Variants in LVRN observed in about 807,000 individuals in gnomAD.
LVRN encodes aminopeptidase Q.
A neutral mutation model predicts 111.4 loss-of-function variants in LVRN; 99 were observed. The observed-to-expected ratio is 0.89, with a 90% CI of 0.76 to 1.05. The LOEUF is 1.05. LVRN is among the 50% of genes least tolerant of loss of function. LVRN has a pLI of 0.00. For missense variants in LVRN, 1,414 were observed against 1,206.8 expected, an observed-to-expected ratio of 1.17 and a Z score of -2.54; for synonymous variants, 488 against 449.5, an observed-to-expected ratio of 1.09 and a Z score of -1.08.
At chr5:116,022,538 A>C in intron 19 of LVRN, 72 bp downstream of exon 19, 2 of 999,574 alleles carry the variant, frequency 2.0e-6, no homozygotes, top group South Asian at 2.8e-5. Flanking sequence ...GGACTTGCTA[A>C]AATTAAAAAT....
chr5:115,970,265 A>G (rs1359994118), intron 1 of LVRN, among the ~76,000 whole-genome samples: 1 of 151,978 alleles, frequency 6.6e-6, no homozygotes, highest in East Asian at 1.9e-4. Context: ...TCAGGCAATT[A>G]TGGATCTGCT....
At chr5:116,001,705 G>A (rs932865776) in intron 10 of LVRN, among the ~76,000 whole-genome samples, 7 of 152,074 alleles carry the variant, frequency 4.6e-5, no homozygotes, top group East Asian at 1.9e-4. Context: ...GTGTGGATGC[G>A]TGCGTTTGTG....
intron 1 of LVRN, chr5:115,975,486 G>A (rs1450953223): frequency 1.8e-5 from 3 of 169,676 alleles, no homozygotes; most frequent in Middle Eastern, 7.6e-4. Flanking sequence ...ACTAACATGC[G>A]GGTCTATTCC....
intron 18 of LVRN, among the ~76,000 whole-genome samples, chr5:116,020,501 A>G (rs1206640742): frequency 6.6e-6 from 1 of 152,244 alleles, no homozygotes; most frequent in Non-Finnish European, 1.5e-5. Context: ...TACCCTCTTC[A>G]CTAAGCACTT....
At chr5:115,977,014 C>T (rs1020169488) in intron 1 of LVRN, among the ~76,000 whole-genome samples, 2 of 152,150 alleles carry the variant, frequency 1.3e-5, no homozygotes, top group African/African-American at 4.8e-5. Context: ...CTGAAGATTT[C>T]AATACTCTGG....
chr5:115,997,218 A>C (rs771654415), intron 6 of LVRN, among the ~76,000 whole-genome samples: 10 of 152,150 alleles, frequency 6.6e-5, no homozygotes, highest in Non-Finnish European at 1.3e-4. Context: ...TCAGAGAGAT[A>C]AAGTTGGTGG....
chr5:116,005,470 C>T (rs1748341063), intron 12 of LVRN, among the ~76,000 whole-genome samples: 2 of 152,088 alleles, frequency 1.3e-5, no homozygotes, highest in Admixed American at 6.6e-5. Context: ...AGATAAATAC[C>T]GTGTGAAAAA....
In LVRN at chr5:116,025,981, C is replaced by T. The variant is rs1455701846; in HGVS notation, c.2836C>T (p.Gln946Ter). ...VTTDLQIVEL[Q>*]QFFSNMLEEH... ...ATCTGTCTCTCTGTCCTTCCAGCTG[C>T]AGCAGTTTTTCAGTAACATGTTGGA... Residue 946 changes from glutamine (Q) to a stop codon, truncating the protein, a stop_gained, in exon 20 of 20, where the codon CAG becomes TAG. Coordinates refer to ENST00000357872, the MANE Select transcript of LVRN (RefSeq NM_173800.5). LOFTEE classifies it high-confidence loss of function. 1 of 1,613,590 alleles carries T rather than the reference C, an allele frequency of 6.2e-7. No individual in the cohort carries two copies. The highest frequency in any genetic ancestry group is 8.5e-7 in the Non-Finnish European group (1 of 1,179,798).
chr5:116,016,430 A>C (rs1748603682), intron 18 of LVRN, among the ~76,000 whole-genome samples: 1 of 152,198 alleles, frequency 6.6e-6, no homozygotes, highest in Non-Finnish European at 1.5e-5. Context: ...ATGCCAAATT[A>C]AATTTTATAT....
intron 17 of LVRN, 57 bp from the exon 18 acceptor site, chr5:116,015,571 A>C (rs1424062431): frequency 6.5e-7 from 1 of 1,548,042 alleles, no homozygotes; most frequent in Non-Finnish European, 8.7e-7. Flanking sequence ...TGTTTATTTA[A>C]ATTAACTCTT....
intron 2 of LVRN, among the ~76,000 whole-genome samples, chr5:115,984,202 T>C (rs1252044860): frequency 6.6e-6 from 1 of 152,142 alleles, no homozygotes; most frequent in Admixed American, 6.5e-5. Flanking sequence ...GAATTGCACC[T>C]TGTTGACCTA....
At chr5:115,994,470 G>T (rs907512790) in intron 6 of LVRN, among the ~76,000 whole-genome samples, 1 of 151,934 alleles carries the variant, frequency 6.6e-6, no homozygotes, top group African/African-American at 2.4e-5. Context: ...ACGGGGTTTC[G>T]CCATGTTGCC....
chr5:115,996,902 G>T (rs1044470390), intron 6 of LVRN, among the ~76,000 whole-genome samples: 3 of 152,246 alleles, frequency 2.0e-5, no homozygotes, highest in Admixed American at 2.0e-4. Context: ...TGTAAAATGG[G>T]TTCTTGCAGT....
chr5:115,971,061 T>A (rs908766644), intron 1 of LVRN, among the ~76,000 whole-genome samples: 2 of 152,176 alleles, frequency 1.3e-5, no homozygotes, highest in Non-Finnish European at 2.9e-5. Context: ...TTCTAATAGG[T>A]GTATAGTGTT....
chr5:115,981,769 C>T (rs900575740), intron 1 of LVRN, among the ~76,000 whole-genome samples: 11 of 152,148 alleles, frequency 7.2e-5, no homozygotes, highest in African/African-American at 2.2e-4. Flanking sequence ...CTAGTGATTT[C>T]CAAGCATCCA....
chr5:116,003,422 ATGCCTTCTCTAG>A (rs1470274078), intron 12 of LVRN, 42 bp downstream of exon 12: 1 of 1,241,526 alleles, frequency 8.1e-7, no homozygotes, highest in African/African-American at 1.6e-5. Flanking sequence ...ATAATTTATA[ATGCCTTCTCTAG>A]TGTTTTAGAA....
In LVRN at chr5:115,984,614, A is replaced by G. The variant is rs965333283; in HGVS notation, c.883A>G (p.Thr295Ala). The G allele has an allele frequency of 6.2e-7, 1 of 1,613,704 alleles. No individual in the cohort carries two copies. The highest frequency in any genetic ancestry group is 1.7e-5 in the Admixed American group (1 of 59,928). Residue 295 changes from threonine (T) to alanine (A), a missense_variant, in exon 3 of 20, where the codon ACA (threonine) becomes GCA (alanine). Physicochemically the swap from Thr to Ala is moderately conservative, Grantham distance 58. Transcript: ENST00000357872. ...TGTGAATGGAAGCAAATGGACTGTT[A>G]CAACCTTTTCCACTACGCCCCACAT... Reference protein sequence around the residue: ...EDVNGSKWTVTTFSTTPHMPT... With the variant: ...EDVNGSKWTVATFSTTPHMPT...
chr5:116,020,865 C>T (rs749164521), intron 18 of LVRN, among the ~76,000 whole-genome samples: 1 of 152,174 alleles, frequency 6.6e-6, no homozygotes, highest in Non-Finnish European at 1.5e-5. Context: ...CCCACACTAA[C>T]GTTAGATGTT....
At position 115,962,846 on chromosome 5, in the gene LVRN, G is replaced by A. The variant is rs868701112; in HGVS notation, c.229G>A (p.Glu77Lys). ...AACCCCGAAACCCAGCAGTGCACGC[G>A]AGCTAGCGGTGACGACCACCCCGAG... ...TPTPKPSSAR[E>K]LAVTTTPSNW... The change falls in exon 1 of 20, where the codon GAG (glutamate) becomes AAG (lysine). Residue 77 changes from glutamate to lysine, a missense_variant. By Grantham distance (56) the Glu-to-Lys change is moderately conservative. Coordinates refer to ENST00000357872, the MANE Select transcript of LVRN (RefSeq NM_173800.5). The A allele has an allele frequency of 6.2e-7, 1 of 1,613,012 alleles. No homozygotes were observed.
Sources: allele counts gnomAD v4.1 joint callset (sites outside exome capture counted in the v4.1 genomes callset), GRCh38; gene constraint gnomAD v4.1.1; transcripts MANE v1.5; gene names NCBI Gene and HGNC (gene_info 2026-07-23, HGNC 2026-07-21).